The following CHST11 variants were observed in gnomAD, a reference collection of about 807,000 sequenced individuals.
CHST11 encodes the protein C4S-1.
A neutral mutation model predicts 30.4 loss-of-function variants in CHST11; 9 were observed. The observed-to-expected ratio is 0.30, with a 90% CI of 0.18 to 0.52. The LOEUF is 0.52. Ranked by LOEUF, CHST11 falls within the 20% of genes least tolerant of loss-of-function variation. CHST11 has a pLI of 0.97. For missense variants in CHST11, 348 were observed against 460.6 expected (o/e 0.76, Z 2.24); for synonymous variants, 152 against 187.8 (o/e 0.81, Z 1.56).
At chr12:104,557,505 G>A (rs1488982806) in intron 1 of CHST11, among the ~76,000 whole-genome samples, 3 of 152,108 alleles carry the variant, frequency 2.0e-5, no homozygotes, top group Non-Finnish European at 2.9e-5. Context: ...GGGGGGCACC[G>A]GCCTGGGTCT....
At chr12:104,706,001 G>T (rs1376099427) in intron 2 of CHST11, among the ~76,000 whole-genome samples, 2 of 151,720 alleles carry the variant, frequency 1.3e-5, no homozygotes, top group Non-Finnish European at 2.9e-5. Flanking sequence ...CAGGAGGATT[G>T]CTTGAGTGCA....
chr12:104,623,866 A>G (rs2039185989), intron 2 of CHST11, among the ~76,000 whole-genome samples: 1 of 152,238 alleles, frequency 6.6e-6, no homozygotes, highest in Non-Finnish European at 1.5e-5. Flanking sequence ...GAAACACACC[A>G]GCCTCTGAAA....
At chr12:104,475,688 A>ATATATATATATAT (rs1555226434) in intron 1 of CHST11, among the ~76,000 whole-genome samples, 1 of 78,468 alleles carries the variant, frequency 1.3e-5, no homozygotes, top group Admixed American at 1.9e-4. Flanking sequence ...ATATATATAT[A>ATATATATATATAT]TATTTCTGAT....
intron 2 of CHST11, among the ~76,000 whole-genome samples, chr12:104,644,279 T>C (rs774085654): frequency 8.5e-5 from 13 of 152,200 alleles, no homozygotes; most frequent in Non-Finnish European, 1.6e-4. Context: ...CCGCATGCAC[T>C]TGCTGCATTT....
chr12:104,718,536 T>C (rs912125606), intron 2 of CHST11, among the ~76,000 whole-genome samples: 1 of 152,226 alleles, frequency 6.6e-6, no homozygotes, highest in Non-Finnish European at 1.5e-5. Flanking sequence ...TTCCGTGTGT[T>C]ACTAATGAAG....
intron 1 of CHST11, among the ~76,000 whole-genome samples, chr12:104,592,825 C>T (rs190640457): frequency 1.3e-3 from 195 of 152,224 alleles, no homozygotes; most frequent in East Asian, 9.6e-4. Flanking sequence ...CTTATACTTT[C>T]GGAAGTAGGC....
intron 2 of CHST11, among the ~76,000 whole-genome samples, chr12:104,650,531 G>C (rs1372889924): frequency 6.6e-6 from 1 of 152,218 alleles, no homozygotes; most frequent in Middle Eastern, 3.4e-3. Flanking sequence ...TCTCTAGAAG[G>C]GTCACCAGAA....
intron 1 of CHST11, among the ~76,000 whole-genome samples, chr12:104,491,214 C>T (rs528596096): frequency 1.3e-5 from 2 of 152,344 alleles, no homozygotes; most frequent in Non-Finnish European, 2.9e-5. Flanking sequence ...CATCTCCCTT[C>T]ATCACCATTG....
At chr12:104,661,942 G>A (rs549306945) in intron 2 of CHST11, among the ~76,000 whole-genome samples, 64 of 152,248 alleles carry the variant, frequency 4.2e-4, no homozygotes, top group African/African-American at 1.5e-3. Context: ...TGGAATCTTG[G>A]CAAAAAGAAG....
chr12:104,505,366 T>C (rs1277801220), intron 1 of CHST11, among the ~76,000 whole-genome samples: 2 of 152,086 alleles, frequency 1.3e-5, no homozygotes, highest in Non-Finnish European at 2.9e-5. Context: ...CTGCACATGA[T>C]GTCAGTAGTT....
intron 2 of CHST11, among the ~76,000 whole-genome samples, chr12:104,614,733 C>G (rs920816535): frequency 6.6e-6 from 1 of 150,772 alleles, no homozygotes; most frequent in Non-Finnish European, 1.5e-5. Context: ...TTGGTCATCC[C>G]GACAGAGCAA....
chr12:104,616,299 C>G (rs1377906203), intron 2 of CHST11, among the ~76,000 whole-genome samples: 2 of 152,084 alleles, frequency 1.3e-5, no homozygotes, highest in Admixed American at 6.5e-5. Flanking sequence ...CTCAGTCCAC[C>G]CAATCAGTAT....
At chr12:104,464,841 T>C (rs956203135) in intron 1 of CHST11, among the ~76,000 whole-genome samples, 6 of 152,188 alleles carry the variant, frequency 3.9e-5, no homozygotes, top group Non-Finnish European at 5.9e-5. Flanking sequence ...TCAATAAAAA[T>C]AAAACGATGA....
intron 1 of CHST11, among the ~76,000 whole-genome samples, chr12:104,500,253 A>G (rs974018987): frequency 5.9e-5 from 9 of 152,170 alleles, no homozygotes; most frequent in Admixed American, 2.6e-4. Flanking sequence ...TTTTCGTAAC[A>G]TATAATATTG....
In CHST11 at chr12:104,457,579, G is replaced by T. The variant is rs200214066; in HGVS notation, c.118+50G>T. On this transcript the variant is annotated intron_variant, in intron 1 of 2. Coordinates refer to ENST00000303694, the MANE Select transcript of CHST11 (RefSeq NM_018413.6). ...TGTTGGATATTTTCTTCTCTCTCGCGCTCTAGCTCGCTCCGCCTGATTTCT... is the reference window on the plus strand; with the variant it reads ...TGTTGGATATTTTCTTCTCTCTCGCTCTCTAGCTCGCTCCGCCTGATTTCT... The T allele has an allele frequency of 4.5e-5, 58 of 1,277,262 alleles. No homozygotes were observed. In the East Asian group the frequency reaches 1.2e-3, roughly 25 times the overall value. The allele number at this position is 1,277,262 out of a possible 1,614,324, so 79.1% of individuals were successfully genotyped here.
chr12:104,596,010 T>A (rs1237305231), intron 1 of CHST11, among the ~76,000 whole-genome samples: 1 of 152,222 alleles, frequency 6.6e-6, no homozygotes, highest in African/African-American at 2.4e-5. Flanking sequence ...CACTCTAGTT[T>A]CATCACAGTG....
chr12:104,679,161 A>G (rs1194077307), intron 2 of CHST11, among the ~76,000 whole-genome samples: 1 of 152,134 alleles, frequency 6.6e-6, no homozygotes, highest in Non-Finnish European at 1.5e-5. Flanking sequence ...ATTTAGAGAG[A>G]TTCAGTCCAA....
At chr12:104,537,539 G>T (rs2038248285) in intron 1 of CHST11, among the ~76,000 whole-genome samples, 1 of 152,160 alleles carries the variant, frequency 6.6e-6, no homozygotes, top group African/African-American at 2.4e-5. Flanking sequence ...TAGAACACTG[G>T]AGATGGATTT....
intron 2 of CHST11, among the ~76,000 whole-genome samples, chr12:104,625,251 T>G (rs936876916): frequency 6.6e-6 from 1 of 152,192 alleles, no homozygotes; most frequent in African/African-American, 2.4e-5. Flanking sequence ...GTAACTTATG[T>G]CCTTCTGTGT....
Sources: gnomAD v4.1 joint callset for allele counts (sites outside exome capture counted in the v4.1 genomes callset) on GRCh38, gnomAD v4.1.1 for gene constraint, MANE v1.5 for transcripts, NCBI Gene and HGNC (gene_info 2026-07-23, HGNC 2026-07-21) for gene names.